Variants in TEX11 observed in about 807,000 individuals in gnomAD.
The protein encoded by TEX11 is testis-expressed protein 11.
TEX11 carries 7 observed loss-of-function variants against 84.4 expected under a neutral mutation model. The observed-to-expected ratio is 0.08, with a 90% confidence interval of 0.05 to 0.16. The LOEUF is 0.16. Among genes scored for constraint, TEX11 ranks in the 10% least tolerant of loss-of-function variants. TEX11 has a pLI of 1.00. For missense variants in TEX11, 551 were observed against 660.5 expected, an observed-to-expected ratio of 0.83 and a Z score of 1.82; for synonymous variants, 264 against 222.8, an observed-to-expected ratio of 1.18 and a Z score of -1.64.
chrX:70,708,785 G>A (rs2090399564), intron 13 of TEX11, among the ~76,000 whole-genome samples: 1 of 110,318 alleles, frequency 9.1e-6, no homozygotes, highest in Admixed American at 9.7e-5. Context: ...AATAGACAAC[G>A]GACTAGTAGA....
At chrX:70,591,689 T>C (rs751396147) in intron 25 of TEX11, 62 bp downstream of exon 25, 1 of 913,844 alleles carries the variant, frequency 1.1e-6, no homozygotes, top group Non-Finnish European at 1.6e-6. Context: ...GACAAAAGAC[T>C]TGTTTATTCG....
At chrX:70,524,127 T>C (rs776748179), downstream of TEX11, among the ~76,000 whole-genome samples, 3 of 111,727 alleles carry the variant, frequency 2.7e-5, no homozygotes, top group Non-Finnish European at 5.6e-5. Flanking sequence ...AGCAGGCAAA[T>C]GATCATCCCA....
At chrX:70,838,112 A>C (rs2091416148) in intron 7 of TEX11, among the ~76,000 whole-genome samples, 1 of 112,193 alleles carries the variant, frequency 8.9e-6, no homozygotes, top group Non-Finnish European at 1.9e-5. Flanking sequence ...CAAAATTTTA[A>C]AAAATTTTTA....
At chrX:70,572,220 C>T (rs913431025) in intron 25 of TEX11, among the ~76,000 whole-genome samples, 1 of 110,528 alleles carries the variant, frequency 9.0e-6, no homozygotes. Context: ...CAAAAGAAGA[C>T]ATTTATGCAG....
At chrX:70,552,827 G>A (rs979632656) in intron 27 of TEX11, among the ~76,000 whole-genome samples, 3 of 111,412 alleles carry the variant, frequency 2.7e-5, no homozygotes, top group African/African-American at 6.5e-5. Context: ...TGGGTGCTGC[G>A]TGCCTGTAAT....
chrX:70,746,988 T>C (rs947965674), intron 9 of TEX11, among the ~76,000 whole-genome samples: 8 of 111,999 alleles, frequency 7.1e-5, no homozygotes, highest in Admixed American at 5.7e-4. Context: ...TCAAGGGGCT[T>C]AAGCAGATCG....
At chrX:70,691,869 G>A (rs1294012125) in intron 13 of TEX11, among the ~76,000 whole-genome samples, 1 of 110,922 alleles carries the variant, frequency 9.0e-6, no homozygotes, top group Non-Finnish European at 1.9e-5. Flanking sequence ...GCTTGGTTGT[G>A]GTAATCATTT....
At chrX:70,577,699 G>A (rs1249407346) in intron 25 of TEX11, among the ~76,000 whole-genome samples, 1 of 108,456 alleles carries the variant, frequency 9.2e-6, no homozygotes, top group Non-Finnish European at 1.9e-5. Context: ...TCCTTGATGT[G>A]TTCATTTAAT....
chrX:70,563,729 G>T (rs1246729629), intron 25 of TEX11, among the ~76,000 whole-genome samples: 1 of 112,479 alleles, frequency 8.9e-6, no homozygotes, highest in Admixed American at 9.4e-5. Context: ...TTCTCGTCAT[G>T]AATGGGTATG....
At chrX:70,794,050 A>G (rs1330642474) in intron 9 of TEX11, among the ~76,000 whole-genome samples, 1 of 112,066 alleles carries the variant, frequency 8.9e-6, no homozygotes, top group Non-Finnish European at 1.9e-5. Context: ...GGAACCAAAA[A>G]TCAGGTGAGT....
chrX:70,733,371 C>A (rs1443057543), intron 11 of TEX11, among the ~76,000 whole-genome samples: 6 of 111,332 alleles, frequency 5.4e-5, no homozygotes, highest in Non-Finnish European at 1.1e-4. Flanking sequence ...AGGCGACCTA[C>A]AAAATGGGAG....
At chrX:70,744,241 A>AAATATAT in intron 9 of TEX11, 22 bp from the exon 10 acceptor site, 1 of 636,580 alleles carries the variant, frequency 1.6e-6, no homozygotes. Context: ...AAGGAAAAAA[A>AAATATAT]ATATATATAT....
At chrX:70,840,840 C>A (rs751357351) in intron 7 of TEX11, among the ~76,000 whole-genome samples, 30 of 110,663 alleles carry the variant, frequency 2.7e-4, no homozygotes, top group African/African-American at 8.5e-4. Flanking sequence ...CTAGTCTCTG[C>A]TAAAACAGAC....
At chrX:70,715,292 T>A (rs757614169) in intron 13 of TEX11, among the ~76,000 whole-genome samples, 3 of 110,618 alleles carry the variant, frequency 2.7e-5, no homozygotes, top group South Asian at 3.9e-4. Flanking sequence ...CTTCTCGAGG[T>A]GTATCTTTGT....
At chrX:70,856,336 T>C (rs1200294477) in intron 5 of TEX11, among the ~76,000 whole-genome samples, 1 of 111,072 alleles carries the variant, frequency 9.0e-6, no homozygotes, top group African/African-American at 3.3e-5. Context: ...TATGAGTATA[T>C]ATTTGTCTGC....
chrX:70,523,132 T>C, the TEX11 span, among the ~76,000 whole-genome samples: 1 of 111,196 alleles, frequency 9.0e-6, no homozygotes, highest in African/African-American at 3.3e-5. Flanking sequence ...AAAATGCCAA[T>C]AGTACCACAG....
At chrX:70,541,800 T>C in intron 28 of TEX11, among the ~76,000 whole-genome samples, 1 of 112,340 alleles carries the variant, frequency 8.9e-6, no homozygotes, top group East Asian at 2.8e-4. Flanking sequence ...GATCTCTCTG[T>C]GTTATTTCTT....
chrX:70,747,804 C>T (rs754711070), intron 9 of TEX11, among the ~76,000 whole-genome samples: 1 of 110,880 alleles, frequency 9.0e-6, no homozygotes, highest in South Asian at 3.8e-4. Flanking sequence ...GGTACATGTG[C>T]ACAACCTGCA....
chrX:70,792,804 G>A (rs1324563609), intron 9 of TEX11, among the ~76,000 whole-genome samples: 1 of 110,662 alleles, frequency 9.0e-6, no homozygotes, highest in Non-Finnish European at 1.9e-5. Flanking sequence ...AAATATCAAA[G>A]AGGAGAGACT....
Sources: allele counts gnomAD v4.1 joint callset (sites outside exome capture counted in the v4.1 genomes callset), GRCh38; gene constraint gnomAD v4.1.1; transcripts MANE v1.5; gene names NCBI Gene and HGNC (gene_info 2026-07-23, HGNC 2026-07-21).